The following GEMIN8 variants were observed in gnomAD, a reference collection of about 807,000 sequenced individuals.
GEMIN8 encodes the protein gem-associated protein 8.
For missense variants in GEMIN8, 185 were observed against 205.9 expected, an observed-to-expected ratio of 0.90 and a Z score of 0.62; for synonymous variants, 80 against 78.5, an observed-to-expected ratio of 1.02 and a Z score of -0.10.
chrX:14,002,313 G>T (rs1922995618), downstream of GEMIN8, among the ~76,000 whole-genome samples: 1 of 94,739 alleles, frequency 1.1e-5, no homozygotes, highest in Non-Finnish European at 2.1e-5. Flanking sequence ...AAGATGGGTA[G>T]AGATAGATAG....
chrX:14,025,126 A>C (rs929286026), intron 2 of GEMIN8, among the ~76,000 whole-genome samples: 4 of 112,183 alleles, frequency 3.6e-5, no homozygotes, highest in Non-Finnish European at 3.8e-5. Flanking sequence ...GAAGAATTAC[A>C]CATTCGTCTC....
chrX:13,996,651 T>C, the GEMIN8 span, among the ~76,000 whole-genome samples: 1 of 111,868 alleles, frequency 8.9e-6, no homozygotes, highest in Non-Finnish European at 1.9e-5. Context: ...AAATAGAATC[T>C]TAATCCTATA....
chrX:13,984,249 T>A, the GEMIN8 span, among the ~76,000 whole-genome samples: 83 of 112,325 alleles, frequency 7.4e-4, 1 homozygote, highest in East Asian at 2.2e-3. Context: ...AGAACCCAGT[T>A]ATATAGTGCT....
intron 4 of GEMIN8, among the ~76,000 whole-genome samples, 198 bp downstream of exon 4, chrX:14,019,880 A>T (rs1335943735): frequency 9.0e-6 from 1 of 111,700 alleles, no homozygotes; most frequent in East Asian, 2.8e-4. Flanking sequence ...GAACAAAAAA[A>T]TGTCTTATAC....
rs142801784 is a variant in GEMIN8, at chrX:14,025,951, C to T, written c.-34+189G>A. 1.2e-3 allele frequency: 472 copies of T among 379,647 alleles called. 1 individual carries two copies. Among genetic ancestry groups the T allele is most frequent in the African/African-American group, 0.012 (445 of 35,924 alleles). The allele number at this position is 379,647 out of a possible 1,213,427, so 31.3% of individuals were successfully genotyped here. On this transcript the variant is annotated intron_variant, in intron 2 of 4. Coordinates refer to ENST00000680255, the MANE Select transcript of GEMIN8 (RefSeq NM_001042479.2). ...TTTTTTAAGCTGGTTATTTTCTTCACGCATGGAGAACTTAAGGAGCTAATA... is the reference window on the plus strand; with the variant it reads ...TTTTTTAAGCTGGTTATTTTCTTCATGCATGGAGAACTTAAGGAGCTAATA...
chrX:14,021,347 T>C (rs1924299655), intron 3 of GEMIN8, 117 bp downstream of exon 3: 6 of 444,967 alleles, frequency 1.3e-5, no homozygotes, highest in Non-Finnish European at 1.6e-5. Context: ...TATACATATG[T>C]AACTAACCTG....
chrX:14,014,498 G>GT, intron 4 of GEMIN8: 2 of 749,780 alleles, frequency 2.7e-6, no homozygotes, highest in Non-Finnish European at 3.1e-6. Flanking sequence ...CCATTAACAC[G>GT]TATCATCTCA....
chrX:14,002,274 T>G (rs902634267), downstream of GEMIN8, among the ~76,000 whole-genome samples: 17 of 107,984 alleles, frequency 1.6e-4, no homozygotes, highest in African/African-American at 4.1e-4. Flanking sequence ...TAGATTTCGG[T>G]TGCAAATATA....
At chrX:14,028,457 T>C (rs536946442) in intron 1 of GEMIN8, among the ~76,000 whole-genome samples, 1 of 112,298 alleles carries the variant, frequency 8.9e-6, no homozygotes, top group African/African-American at 3.2e-5. Context: ...TTTGATCAAC[T>C]ACATTCTTTT....
the GEMIN8 span, among the ~76,000 whole-genome samples, chrX:13,989,720 C>T: frequency 8.9e-6 from 1 of 112,368 alleles, no homozygotes; most frequent in Non-Finnish European, 1.9e-5. Flanking sequence ...GCGCCTTGGT[C>T]TTATTTGCAC....
rs1299857065 is a variant in GEMIN8 at position 14,009,181 on chromosome X, C to A, written c.473-12G>T. ...CTGCTGCTGCCGCCCTGAGAACAAA[C>A]ACGAACGTGAACATGAACATAAACA... On this transcript the variant is annotated splice_polypyrimidine_tract_variant and intron_variant, in intron 4 of 4. Transcript: ENST00000680255. The A allele has an allele frequency of 8.3e-7, 1 of 1,209,069 alleles. No homozygotes were observed. The highest frequency in any genetic ancestry group is 1.1e-6 in the Non-Finnish European group (1 of 893,382).
At chrX:14,028,675 T>A (rs1278820829) in intron 1 of GEMIN8, among the ~76,000 whole-genome samples, 3 of 111,796 alleles carry the variant, frequency 2.7e-5, no homozygotes, top group Admixed American at 1.9e-4. Flanking sequence ...AGAATGAACA[T>A]TTCTCTCTGG....
chrX:14,015,540 T>C (rs773540158), intron 4 of GEMIN8, among the ~76,000 whole-genome samples: 1 of 112,229 alleles, frequency 8.9e-6, no homozygotes, highest in South Asian at 3.7e-4. Context: ...ATCTGGAATC[T>C]GAGTAGCAAT....
At chrX:14,029,715 G>T (rs11797935) in intron 1 of GEMIN8, 62 bp downstream of exon 1, 24,957 of 112,315 alleles carry the variant, frequency 0.22, 2,342 homozygotes, top group Non-Finnish European at 0.3. Context: ...AGAAGCCAGG[G>T]CCCGGGGCGT....
downstream of GEMIN8, among the ~76,000 whole-genome samples, chrX:14,006,529 TAAAC>T (rs1415463564): frequency 3.6e-5 from 4 of 111,689 alleles, no homozygotes; most frequent in African/African-American, 9.8e-5. Flanking sequence ...ATTTGTTGGA[TAAAC>T]AAACAAACGA....
chrX:13,987,604 C>T, the GEMIN8 span, among the ~76,000 whole-genome samples: 1 of 111,960 alleles, frequency 8.9e-6, no homozygotes, highest in Non-Finnish European at 1.9e-5. Flanking sequence ...CAGATGTGTT[C>T]TCACTGCGCT....
chrX:13,994,901 T>C, the GEMIN8 span, among the ~76,000 whole-genome samples: 2 of 112,328 alleles, frequency 1.8e-5, no homozygotes, highest in Non-Finnish European at 3.8e-5. Flanking sequence ...GATAGGTGTC[T>C]ATATGAAAGG....
chrX:14,026,324 C>T, intron 1 of GEMIN8, 103 bp from the exon 2 acceptor site: 2 of 749,875 alleles, frequency 2.7e-6, no homozygotes, highest in Non-Finnish European at 3.1e-6. Flanking sequence ...GGCCACCACC[C>T]AGCTGAGCCC....
the GEMIN8 span, among the ~76,000 whole-genome samples, chrX:13,988,205 C>T: frequency 9.9e-5 from 11 of 111,182 alleles, no homozygotes; most frequent in African/African-American, 2.6e-4. Context: ...GGGATGCGGG[C>T]GTAGCAATTC....
Sources: gnomAD v4.1 joint callset for allele counts (sites outside exome capture counted in the v4.1 genomes callset) on GRCh38, gnomAD v4.1.1 for gene constraint, MANE v1.5 for transcripts, NCBI Gene and HGNC (gene_info 2026-07-23, HGNC 2026-07-21) for gene names.